The following TRMT1 variants were observed in gnomAD, a reference collection of about 807,000 sequenced individuals.
TRMT1 encodes the protein tRNA methyltransferase 1.
TRMT1 carries 63 observed loss-of-function variants against 75.4 expected under a neutral mutation model. That is an observed-to-expected ratio of 0.84 (90% confidence interval 0.68 to 1.03). The LOEUF (loss-of-function observed/expected upper bound fraction) is 1.03, where lower values mean the gene tolerates loss of function less well. Among genes scored for constraint, TRMT1 ranks in the 50% least tolerant of loss-of-function variants. The pLI is 0.00. For missense variants in TRMT1, 870 were observed against 905.3 expected (o/e 0.96, Z 0.50); for synonymous variants, 382 against 358.1 (o/e 1.07, Z -0.75).
chr19:13,107,988 T>A, intron 12 of TRMT1, 129 bp from the exon 13 acceptor site: 6 of 252,934 alleles, frequency 2.4e-5, no homozygotes, highest in South Asian at 7.8e-5. Context: ...TTCTTTTCTT[T>A]TTTTTTTTTT....
chr19:13,113,821 G>A (rs2019232526), intron 5 of TRMT1, among the ~76,000 whole-genome samples: 2 of 151,820 alleles, frequency 1.3e-5, no homozygotes, highest in Non-Finnish European at 2.9e-5. Flanking sequence ...TGTTGGCCAG[G>A]CTGGTCTCGA....
chr19:13,105,313 T>C lies in TRMT1; in HGVS notation c.1787A>G (p.Gln596Arg), dbSNP rs757211375. ...KRKEPPEDVA[Q>R]RAARLKTFPC... is the part of the protein sequence containing the mutation. ...AAATGTCTTGAGCCGGGCAGCCCGCTGGGCCACATCTTCCGGCGGCTCCTT... is the reference window on the plus strand; with the variant it reads ...AAATGTCTTGAGCCGGGCAGCCCGCCGGGCCACATCTTCCGGCGGCTCCTT... Residue 596 changes from glutamine (Q) to arginine (R), a missense_variant, in exon 16 of 17, where the codon CAG becomes CGG. By Grantham distance (43) the Gln-to-Arg change is conservative. Transcript: ENST00000357720. The C allele has an allele frequency of 6.2e-7, 1 of 1,613,946 alleles. No homozygotes were observed. Among genetic ancestry groups the C allele is most frequent in the South Asian group, 1.1e-5 (1 of 91,090 alleles).
At position 13,109,989 on chromosome 19, in the gene TRMT1, C is replaced by G. The variant is rs140145761; in HGVS notation, c.1032G>C (p.Leu344=). 484 of 1,613,506 alleles carry G rather than the reference C, an allele frequency of 3.0e-4. 5 individuals carry two copies. The African/African-American group carries it at 5.4e-3, about 18-fold the overall frequency. ...CCCCGCAGCCCACACACTGGAACAC[C>G]AGCGCCTGCTTGCTGTGGGGGGTAC... The part of the protein sequence containing the change: ...KVKASASKQA[L]VFQCVGCGAF... Residue 344 remains leucine, a synonymous_variant, in exon 9 of 17, where the codon CTG becomes CTC. Coordinates refer to ENST00000357720, the MANE Select transcript of TRMT1 (RefSeq NM_001136035.4).
At position 13,107,838 on chromosome 19, in the gene TRMT1, G is replaced by A; in HGVS notation, c.1419C>T (p.Asp473=). Residue 473 remains aspartate, a synonymous_variant, in exon 13 of 17, where the codon GAC becomes GAT. Coordinates refer to ENST00000357720, the MANE Select transcript of TRMT1 (RefSeq NM_001136035.4). ...AGGCGTGGGAGAGTGAGACCCGGAA[G>A]TCAGCGTGGAGGAGGGCCGACCTGG... ...LQLRSALLHA[D]FRVSLSHACK... 6.4e-7 allele frequency: 1 copy of A among 1,551,752 alleles called. No homozygotes were observed. The highest frequency in any genetic ancestry group is 8.7e-7 in the Non-Finnish European group (1 of 1,146,986).
Position 13,116,308 on chromosome 19 carries a change from AG to A in TRMT1, c.91del (p.Leu31CysfsTer54), listed in dbSNP as rs768041284. 8 of 1,614,006 alleles carry A rather than the reference AG, an allele frequency of 5.0e-6. No homozygotes were observed. Among genetic ancestry groups the A allele is most frequent in the Middle Eastern group, 1.6e-4 (1 of 6,062 alleles). On this transcript the variant is annotated frameshift_variant, in exon 2 of 17. Coordinates refer to ENST00000357720, the MANE Select transcript of TRMT1 (RefSeq NM_001136035.4). LOFTEE classifies it high-confidence loss of function. ...GTTCTCCATCGCTGCTGTATTCGGC[AG>A]CCCTGGAGACTGCCACTCGAAAAAC... Reference protein sequence around the residue: ...ARFFEWQSPGLPNTAAMENGT... With the variant: ...ARFFEWQSPGXPNTAAMENGT...
In TRMT1 at chr19:13,111,109, T is replaced by C. The variant is rs1221007077; in HGVS notation, c.871-803A>G. Among the ~76,000 whole-genome samples, 4 of 152,126 alleles carry C rather than the reference T, an allele frequency of 2.6e-5. No homozygotes were observed. The East Asian group carries it at 7.7e-4, about 29-fold the overall frequency. ...ACCACGCTGGAGTGCAGTGGCACTA[T>C]CAAAGCTCACAATAACTTTGAACTC... On this transcript the variant is annotated intron_variant, in intron 7 of 16. Transcript: ENST00000357720.
chr19:13,107,735 T>G lies in TRMT1; in HGVS notation c.1506+16A>C. The G allele has an allele frequency of 1.3e-6, 2 of 1,555,952 alleles. No homozygotes were observed. Among genetic ancestry groups the G allele is most frequent in the South Asian group, 2.4e-5 (2 of 84,992 alleles). Reference sequence around the variant, plus strand: ...CACCTGCCCTCCCACCTGCATGAGGTCAGCCCTGCCCTCACCCAGCAACGC... The same window carrying G: ...CACCTGCCCTCCCACCTGCATGAGGGCAGCCCTGCCCTCACCCAGCAACGC... On this transcript the variant is annotated intron_variant, in intron 13 of 16. Transcript: ENST00000357720.
intron 14 of TRMT1, 118 bp from the exon 15 acceptor site, chr19:13,105,724 G>T (rs1568357099): frequency 9.5e-7 from 1 of 1,057,852 alleles, no homozygotes; most frequent in Non-Finnish European, 1.4e-6. Context: ...CTCATGTCAG[G>T]ATTCTCTCAT....
intron 3 of TRMT1, 27 bp from the exon 4 acceptor site, chr19:13,115,795 G>A (rs754438458): frequency 6.2e-7 from 1 of 1,613,558 alleles, no homozygotes; most frequent in African/African-American, 1.3e-5. Flanking sequence ...GCACAAGTCA[G>A]AGAATAACAA....
At chr19:13,108,869 C>T (rs1289568647) in intron 12 of TRMT1, among the ~76,000 whole-genome samples, 1 of 151,830 alleles carries the variant, frequency 6.6e-6, no homozygotes, top group African/African-American at 2.4e-5. Flanking sequence ...CTCAGCCTCC[C>T]AAAGTGCTGG....
At chr19:13,114,751 G>A (rs1599957212) in intron 5 of TRMT1, among the ~76,000 whole-genome samples, 1 of 152,200 alleles carries the variant, frequency 6.6e-6, no homozygotes, top group East Asian at 1.9e-4. Context: ...TGAGGCAGGG[G>A]AATGGCTTGA....
At chr19:13,105,119 G>A (rs1362752551) in intron 16 of TRMT1, 38 bp from the exon 17 acceptor site, 4 of 1,555,812 alleles carry the variant, frequency 2.6e-6, no homozygotes, top group Non-Finnish European at 3.5e-6. Context: ...CCTGCCCGGA[G>A]CTCAGCAGCC....
intron 12 of TRMT1, 22 bp downstream of exon 12, chr19:13,109,359 T>C: frequency 6.2e-7 from 1 of 1,611,902 alleles, no homozygotes; most frequent in Non-Finnish European, 8.5e-7. Context: ...GACAGGCTCC[T>C]CCCGACCCCA....
chr19:13,115,580 CTCCCGCTAAAT>C, intron 4 of TRMT1, 35 bp downstream of exon 4: 1 of 1,611,234 alleles, frequency 6.2e-7, no homozygotes, highest in Non-Finnish European at 8.5e-7. Context: ...AGCCCTCTGT[CTCCCGCTAAAT>C]TCCAGGGCTG....
intron 12 of TRMT1, 94 bp downstream of exon 12, chr19:13,109,287 C>T: frequency 1.4e-6 from 2 of 1,427,254 alleles, no homozygotes; most frequent in South Asian, 1.2e-5. Context: ...GTTCTCCCCA[C>T]CCCCTCGCAA....
At chr19:13,112,504 C>G (rs1012391535) in intron 7 of TRMT1, among the ~76,000 whole-genome samples, 1 of 152,328 alleles carries the variant, frequency 6.6e-6, no homozygotes, top group South Asian at 2.1e-4. Context: ...GCCACTGTCC[C>G]CAAATGACCA....
At chr19:13,115,969 C>T (rs2019333198) in intron 3 of TRMT1, 28 bp downstream of exon 3, 1 of 1,613,878 alleles carries the variant, frequency 6.2e-7, no homozygotes. Context: ...GTGACCCCCG[C>T]CCACCAGAAG....
At chr19:13,105,440 C>T (rs202208753) in intron 15 of TRMT1, 44 bp from the exon 16 acceptor site, 20 of 1,613,852 alleles carry the variant, frequency 1.2e-5, no homozygotes, top group Non-Finnish European at 1.6e-5. Context: ...TGCCCTTTAC[C>T]CCTTCTTTCC....
chr19:13,108,710 A>G (rs1179834227), intron 12 of TRMT1, among the ~76,000 whole-genome samples: 1 of 152,002 alleles, frequency 6.6e-6, no homozygotes, highest in Non-Finnish European at 1.5e-5. Context: ...CCCAGGTTCC[A>G]GTGATTCTCG....
Sources: allele counts gnomAD v4.1 joint callset (sites outside exome capture counted in the v4.1 genomes callset), GRCh38; gene constraint gnomAD v4.1.1; transcripts MANE v1.5; gene names NCBI Gene and HGNC (gene_info 2026-07-23, HGNC 2026-07-21).